PPP1R13B: variants seen among roughly 807,000 people sequenced by gnomAD.
The protein encoded by PPP1R13B is apoptosis-stimulating of p53 protein 1.
Under a neutral mutation model 119.8 loss-of-function variants are expected in PPP1R13B, and 44 were observed. The observed-to-expected ratio is 0.37, with a 90% CI of 0.29 to 0.47. PPP1R13B has a LOEUF of 0.47. Among genes scored for constraint, PPP1R13B ranks in the 20% least tolerant of loss-of-function variants. The probability of loss-of-function intolerance (pLI) is 0.99; values close to 1 mark genes in which losing one functional copy is unlikely to be tolerated. For synonymous variants in PPP1R13B, 542 were observed against 561.5 expected (o/e 0.97, Z 0.49); for missense variants, 1,227 against 1,413.5 (o/e 0.87, Z 2.12).
At position 103,734,887 on chromosome 14, in the gene PPP1R13B, TG is replaced by T. The variant is rs1221924760; in HGVS notation, c.*266del. On this transcript the variant is annotated 3_prime_UTR_variant, in exon 17 of 17. Coordinates refer to ENST00000202556, the MANE Select transcript of PPP1R13B (RefSeq NM_015316.3). Reference sequence around the variant, plus strand: ...TGGGACTTCTTAATGGCAAGAGGGGTGGGTGTTTTGAAAGTGGGTATTTATT... The same window carrying T: ...TGGGACTTCTTAATGGCAAGAGGGGTGGTGTTTTGAAAGTGGGTATTTATT... 1 of 572,910 alleles carries T rather than the reference TG, an allele frequency of 1.7e-6. No homozygotes were observed. The highest frequency in any genetic ancestry group is 3.3e-6 in the Non-Finnish European group (1 of 306,446). 35.5% of individuals were successfully genotyped at this position (572,910 alleles called of 1,614,324 possible). A position where few individuals can be genotyped will look rare whatever the true frequency, so the allele number is the denominator to read the frequency against.
chr14:103,822,428 G>A (rs1567151015), intron 1 of PPP1R13B, among the ~76,000 whole-genome samples: 1 of 152,060 alleles, frequency 6.6e-6, no homozygotes, highest in Non-Finnish European at 1.5e-5. Flanking sequence ...GTGAGCCACT[G>A]CACCCAGCCA....
chr14:103,848,474 GC>G, upstream of PPP1R13B: 1 of 985,472 alleles, frequency 1.0e-6, no homozygotes, highest in Non-Finnish European at 1.2e-6. Flanking sequence ...CCCGCTCGGG[GC>G]CCCCCACATG....
At chr14:103,824,630 G>A (rs1310318592) in intron 1 of PPP1R13B, among the ~76,000 whole-genome samples, 2 of 151,662 alleles carry the variant, frequency 1.3e-5, no homozygotes, top group Non-Finnish European at 2.9e-5. Context: ...GGGAGGTAGA[G>A]GTTGCAGTGA....
intron 1 of PPP1R13B, among the ~76,000 whole-genome samples, chr14:103,830,881 T>TA (rs1008831316): frequency 6.6e-6 from 1 of 151,368 alleles, no homozygotes; most frequent in Admixed American, 6.6e-5. Flanking sequence ...GACTTAGTAT[T>TA]AAAAAAAAGA....
chr14:103,813,828 G>A (rs958675433), intron 1 of PPP1R13B, among the ~76,000 whole-genome samples: 1 of 152,252 alleles, frequency 6.6e-6, no homozygotes, highest in African/African-American at 2.4e-5. Context: ...GGTCAGAAAA[G>A]TTTGAAAGAT....
At chr14:103,741,116 G>A (rs918511070) in intron 11 of PPP1R13B, among the ~76,000 whole-genome samples, 3 of 152,216 alleles carry the variant, frequency 2.0e-5, no homozygotes, top group Admixed American at 6.5e-5. Flanking sequence ...TGCAGGAAGT[G>A]ACTAGGCACG....
At chr14:103,759,663 A>T (rs776046827) in intron 4 of PPP1R13B, among the ~76,000 whole-genome samples, 1 of 152,024 alleles carries the variant, frequency 6.6e-6, no homozygotes, top group Non-Finnish European at 1.5e-5. Context: ...TTCAATTAAC[A>T]TTAATTTTAT....
chr14:103,750,211 T>G (rs1170883457), intron 7 of PPP1R13B, among the ~76,000 whole-genome samples: 2 of 152,160 alleles, frequency 1.3e-5, no homozygotes, highest in Non-Finnish European at 1.5e-5. Context: ...GTGCGGTGTT[T>G]GGGACTCTCA....
In PPP1R13B at chr14:103,736,011, G is replaced by T. The variant is rs772902772; in HGVS notation, c.3223C>A (p.Leu1075Met). 1 of 1,614,160 alleles carries T rather than the reference G, an allele frequency of 6.2e-7. No homozygotes were observed. Among genetic ancestry groups the T allele is most frequent in the South Asian group, 1.1e-5 (1 of 91,078 alleles). Reference protein sequence around the residue: ...GDREGYVPKNLLGLYPRIKPR... With the variant: ...GDREGYVPKNMLGLYPRIKPR... Reference sequence around the variant, plus strand: ...GTAACCTGAGTGCTCACCCCCAGCAGGTTTTTGGGCACATAGCCCTCCCGG... The same window carrying T: ...GTAACCTGAGTGCTCACCCCCAGCATGTTTTTGGGCACATAGCCCTCCCGG... The change falls in exon 16 of 17, where the codon CTG becomes ATG. Residue 1075 changes from leucine to methionine, a missense_variant. Transcript: ENST00000202556.
chr14:103,834,053 A>G (rs1328904608), intron 1 of PPP1R13B, among the ~76,000 whole-genome samples: 1 of 152,198 alleles, frequency 6.6e-6, no homozygotes, highest in Non-Finnish European at 1.5e-5. Context: ...TGCTTCCACA[A>G]ATAAACACCA....
At chr14:103,840,692 G>A (rs776824285) in intron 1 of PPP1R13B, among the ~76,000 whole-genome samples, 1 of 152,044 alleles carries the variant, frequency 6.6e-6, no homozygotes, top group African/African-American at 2.4e-5. Flanking sequence ...TTTGGAGGAT[G>A]AGGCAGGAAA....
Position 103,778,748 on chromosome 14 carries a change from A to G in PPP1R13B, c.351T>C (p.Asn117=). 6.2e-7 allele frequency: 1 copy of G among 1,612,740 alleles called. No individual in the cohort carries two copies. Among genetic ancestry groups the G allele is most frequent in the Middle Eastern group, 1.7e-4 (1 of 6,058 alleles). Residue 117 remains asparagine, a synonymous_variant, in exon 4 of 17, where the codon AAT becomes AAC. Coordinates refer to ENST00000202556, the MANE Select transcript of PPP1R13B (RefSeq NM_015316.3). ...INVPGEKRTE[N]GVGNPRVELT... ...AATTTAATTCACTGTCACTTACCCC[A>G]TTTTCAGTACGTTTTTCTCCAGGTA...
chr14:103,812,125 T>G (rs1433076142), intron 1 of PPP1R13B, among the ~76,000 whole-genome samples: 10 of 131,190 alleles, frequency 7.6e-5, no homozygotes, highest in Non-Finnish European at 1.3e-4. Flanking sequence ...TTTCTGTGTG[T>G]GGTTTTTTTT....
intron 4 of PPP1R13B, among the ~76,000 whole-genome samples, chr14:103,761,201 G>A (rs928394809): frequency 2.0e-5 from 3 of 150,398 alleles, no homozygotes; most frequent in Admixed American, 6.6e-5. Context: ...TTGAGCCTGG[G>A]AGGTTGAGAA....
Position 103,742,851 on chromosome 14 carries a change from A to C in PPP1R13B, c.1151-28T>G. 1 of 1,611,928 alleles carries C rather than the reference A, an allele frequency of 6.2e-7. No individual in the cohort carries two copies. Among genetic ancestry groups the C allele is most frequent in the Non-Finnish European group, 8.5e-7 (1 of 1,178,732 alleles). On this transcript the variant is annotated intron_variant, in intron 9 of 16. Transcript: ENST00000202556. This position sits in a 1 kb window ranked among gnomAD's most constrained non-coding sequence, Gnocchi z 4.9. Reference sequence around the variant, plus strand: ...TGAAAAGAACACAGAACTTACGTAAAACTTTTCTCAATGTAGTTGAACCAA... The same window carrying C: ...TGAAAAGAACACAGAACTTACGTAACACTTTTCTCAATGTAGTTGAACCAA...
At chr14:103,794,440 C>T (rs1483003016) in intron 2 of PPP1R13B, 4 of 169,324 alleles carry the variant, frequency 2.4e-5, no homozygotes, top group South Asian at 1.2e-4. Flanking sequence ...GATTCTCCTG[C>T]CTCAGCCTCC....
At chr14:103,844,067 G>C (rs1413847108) in intron 1 of PPP1R13B, among the ~76,000 whole-genome samples, 2 of 151,936 alleles carry the variant, frequency 1.3e-5, no homozygotes, top group Non-Finnish European at 2.9e-5. Context: ...AGAAATTCGA[G>C]ACCAGCTTGA....
At chr14:103,835,298 T>C (rs1181421820) in intron 1 of PPP1R13B, among the ~76,000 whole-genome samples, 2 of 151,888 alleles carry the variant, frequency 1.3e-5, no homozygotes, top group Admixed American at 1.3e-4. Context: ...AATTTTTGTA[T>C]TATTTTGGTA....
At chr14:103,748,725 G>A in intron 8 of PPP1R13B, among the ~76,000 whole-genome samples, 1 of 152,176 alleles carries the variant, frequency 6.6e-6, no homozygotes, top group East Asian at 1.9e-4. Context: ...CGGCTCAGTG[G>A]TACATGTGCT....
Sources: gnomAD v4.1 joint callset for allele counts (sites outside exome capture counted in the v4.1 genomes callset) on GRCh38, gnomAD v4.1.1 for gene constraint, Gnocchi (gnomAD v3.1) non-coding constraint, MANE v1.5 for transcripts, NCBI Gene and HGNC (gene_info 2026-07-23, HGNC 2026-07-21) for gene names.